Variants in ADAM12 observed in about 807,000 individuals in gnomAD.
The protein encoded by ADAM12 is ADAM metallopeptidase domain 12, also known as disintegrin and metalloproteinase domain-containing protein 12.
Under a neutral mutation model 106.4 loss-of-function variants are expected in ADAM12, and 70 were observed. The observed-to-expected ratio is 0.66, with a 90% CI of 0.54 to 0.80. The LOEUF is 0.80. Ranked by LOEUF, ADAM12 falls within the 30% of genes least tolerant of loss-of-function variation. The probability of loss-of-function intolerance (pLI) is 0.00; values close to 1 mark genes in which losing one functional copy is unlikely to be tolerated. For missense variants in ADAM12, 1,010 were observed against 1,171.9 expected (o/e 0.86, Z 2.02); for synonymous variants, 420 against 433.5 (o/e 0.97, Z 0.39).
intron 5 of ADAM12, among the ~76,000 whole-genome samples, chr10:126,127,079 ACTCGTG>A (rs756478400): frequency 7.9e-5 from 12 of 152,098 alleles, no homozygotes; most frequent in Non-Finnish European, 1.3e-4. Flanking sequence ...CTTCTTGCTG[ACTCGTG>A]CACATGTCCA....
At chr10:126,345,361 C>G (rs1418170952) in intron 1 of ADAM12, among the ~76,000 whole-genome samples, 1 of 152,114 alleles carries the variant, frequency 6.6e-6, no homozygotes, top group Non-Finnish European at 1.5e-5. Flanking sequence ...GCCTTGCATC[C>G]CAGGGATGAA....
chr10:126,092,744 A>G (rs918548571), intron 11 of ADAM12, among the ~76,000 whole-genome samples: 7 of 152,190 alleles, frequency 4.6e-5, no homozygotes, highest in African/African-American at 1.7e-4. Context: ...GCCTCTGCCC[A>G]AATGGGGGCG....
intron 3 of ADAM12, among the ~76,000 whole-genome samples, chr10:126,256,139 C>T (rs1036284152): frequency 2.0e-5 from 3 of 152,126 alleles, no homozygotes; most frequent in Admixed American, 2.0e-4. Flanking sequence ...AAATCACCCC[C>T]CTACCTGGCA....
At chr10:126,321,590 A>G (rs1325174953) in intron 2 of ADAM12, among the ~76,000 whole-genome samples, 1 of 152,124 alleles carries the variant, frequency 6.6e-6, no homozygotes, top group Non-Finnish European at 1.5e-5. Context: ...AGGAGGAGTG[A>G]ACAGGAAAGA....
At chr10:126,365,451 A>G (rs1173584799) in intron 1 of ADAM12, among the ~76,000 whole-genome samples, 1 of 152,184 alleles carries the variant, frequency 6.6e-6, no homozygotes, top group African/African-American at 2.4e-5. Context: ...GGGGTGTATC[A>G]GTCTGTTCTC....
chr10:126,081,380 GAA>G (rs71029281), intron 11 of ADAM12, among the ~76,000 whole-genome samples: 2 of 151,918 alleles, frequency 1.3e-5, no homozygotes, highest in Admixed American at 6.6e-5. Context: ...CTGATTGGGG[GAA>G]AAAAACAAAA....
intron 3 of ADAM12, among the ~76,000 whole-genome samples, chr10:126,213,473 T>C (rs1420000582): frequency 2.0e-5 from 3 of 152,234 alleles, no homozygotes; most frequent in African/African-American, 7.2e-5. Flanking sequence ...AAGCTAATAA[T>C]TGATCAAACA....
At chr10:126,095,076 A>T (rs1955531423) in intron 10 of ADAM12, among the ~76,000 whole-genome samples, 1 of 152,250 alleles carries the variant, frequency 6.6e-6, no homozygotes, top group African/African-American at 2.4e-5. Context: ...AGTAAGGAAA[A>T]TACCCTGTTT....
chr10:126,069,558 G>A (rs1466736181), intron 12 of ADAM12, among the ~76,000 whole-genome samples: 1 of 152,232 alleles, frequency 6.6e-6, no homozygotes, highest in Non-Finnish European at 1.5e-5. Context: ...ACTCCTTCAT[G>A]GAGAAAAGAG....
chr10:126,053,174 A>G lies in ADAM12; in HGVS notation c.1610-3505T>C, dbSNP rs778762812. 5.3e-5 allele frequency among the ~76,000 whole-genome samples: 8 copies of G among 152,146 alleles called. No individual in the cohort carries two copies. Among genetic ancestry groups the G allele is most frequent in the Non-Finnish European group, 1.0e-4 (7 of 68,022 alleles). On this transcript the variant is annotated intron_variant, in intron 14 of 22. Transcript: ENST00000448723. This position sits in a 1 kb window ranked among gnomAD's most constrained non-coding sequence, Gnocchi z 4.6. Reference sequence around the variant, plus strand: ...GCCTGCTTCTCCTTCACCTTCTGCCATGATTGGAAGCTTTCTGAGGCCTCC... The same window carrying G: ...GCCTGCTTCTCCTTCACCTTCTGCCGTGATTGGAAGCTTTCTGAGGCCTCC...
intron 3 of ADAM12, among the ~76,000 whole-genome samples, chr10:126,257,507 C>A (rs1178520817): frequency 6.6e-6 from 1 of 152,206 alleles, no homozygotes; most frequent in African/African-American, 2.4e-5. Flanking sequence ...TTCTCAGGTG[C>A]ACGAAAGTGG....
intron 3 of ADAM12, among the ~76,000 whole-genome samples, chr10:126,174,621 G>T (rs2133770498): frequency 6.6e-6 from 1 of 152,238 alleles, no homozygotes; most frequent in Admixed American, 6.5e-5. Flanking sequence ...TCTACCACAA[G>T]ATGATTTTAG....
At chr10:126,378,065 T>C (rs1030973892) in intron 1 of ADAM12, among the ~76,000 whole-genome samples, 6 of 152,136 alleles carry the variant, frequency 3.9e-5, no homozygotes, top group Non-Finnish European at 7.4e-5. Context: ...ATAAGAATCT[T>C]AGAGTCTTTA....
chr10:126,095,000 T>A (rs1212728507), intron 10 of ADAM12, among the ~76,000 whole-genome samples: 3 of 152,194 alleles, frequency 2.0e-5, no homozygotes, highest in African/African-American at 7.2e-5. Context: ...ATTAGTTAAT[T>A]AGCATATATG....
chr10:126,230,924 T>A (rs4962521), intron 3 of ADAM12, among the ~76,000 whole-genome samples: 43,162 of 152,128 alleles, frequency 0.28, 6,279 homozygotes, highest in Admixed American at 0.34. Flanking sequence ...TACGTTAAGC[T>A]AGGACATGCA....
chr10:126,169,892 C>CA (rs1422516017), intron 3 of ADAM12, among the ~76,000 whole-genome samples: 1 of 152,250 alleles, frequency 6.6e-6, no homozygotes, highest in Non-Finnish European at 1.5e-5. Flanking sequence ...CCCCTCCTCA[C>CA]ACCAGCTGGT....
chr10:126,338,246 A>ATTTTTTTTT lies in ADAM12; in HGVS notation c.89-7746_89-7738dup, dbSNP rs200317403. Among the ~76,000 whole-genome samples, 19 of 89,840 alleles carry ATTTTTTTTT rather than the reference A, an allele frequency of 2.1e-4. 2 individuals are homozygous for ATTTTTTTTT. The highest frequency in any genetic ancestry group is 7.1e-4 in the East Asian group (2 of 2,806). 58.9% of individuals were successfully genotyped at this position (89,840 alleles called of 152,430 possible). On this transcript the variant is annotated intron_variant, in intron 1 of 22. Coordinates refer to ENST00000448723, the MANE Select transcript of ADAM12 (RefSeq NM_001288973.2). ...AAAGTCACTTACAACAGTAACTTAC[A>ATTTTTTTTT]TTTTTTTTTTTTTTTTTTTTTTTTG...
chr10:126,206,858 G>GGGT (rs1565138231), intron 3 of ADAM12, among the ~76,000 whole-genome samples: 1 of 139,092 alleles, frequency 7.2e-6, no homozygotes, highest in Non-Finnish European at 1.6e-5. Flanking sequence ...GTGTTGTGGG[G>GGGT]GCGGGGGGGA....
chr10:126,310,687 C>T (rs72828734), intron 2 of ADAM12, among the ~76,000 whole-genome samples: 7,650 of 152,148 alleles, frequency 0.05, 295 homozygotes, highest in East Asian at 0.13. Flanking sequence ...TAAATACCAT[C>T]ATATTGTTTT....
Sources: gnomAD v4.1 joint callset for allele counts (sites outside exome capture counted in the v4.1 genomes callset) on GRCh38, gnomAD v4.1.1 for gene constraint, Gnocchi (gnomAD v3.1) non-coding constraint, MANE v1.5 for transcripts, NCBI Gene and HGNC (gene_info 2026-07-23, HGNC 2026-07-21) for gene names.